DAB1: variants seen among roughly 807,000 people sequenced by gnomAD.
DAB1 encodes disabled homolog 1.
In DAB1, 15 loss-of-function variants were observed where a neutral mutation model predicts 64.6. The ratio of observed to expected loss-of-function variants is 0.23; its 90% CI spans 0.16 to 0.36. DAB1 has a LOEUF of 0.36. Ranked by LOEUF, DAB1 falls within the 10% of genes least tolerant of loss-of-function variation. DAB1 has a pLI of 1.00. For missense variants in DAB1, 596 were observed against 706.7 expected (o/e 0.84, Z 1.78); for synonymous variants, 235 against 251.9 (o/e 0.93, Z 0.64).
intron 2 of DAB1, among the ~76,000 whole-genome samples, chr1:57,184,554 T>C (rs927454139): frequency 1.3e-5 from 2 of 152,174 alleles, no homozygotes; most frequent in African/African-American, 4.8e-5. Context: ...CAGTAAAGAA[T>C]GCAAGGTTAC....
In DAB1 at chr1:58,268,825, C is replaced by A. The variant is rs868251951; in HGVS notation, n.309+74527G>T. 1.6e-4 allele frequency among the ~76,000 whole-genome samples: 24 copies of A among 152,186 alleles called. No homozygotes were observed. The East Asian group carries it at 4.4e-3, about 28-fold the overall frequency. ...TAGCCAAAACAATCTTAAATAGGAA[C>A]AAAGTTGGAGGTTTCATACTTCTTG... On this transcript the variant is annotated intron_variant and non_coding_transcript_variant, in intron 4 of 20. Coordinates refer to the DAB1 transcript ENST00000485760.
At chr1:57,063,220 A>T (rs765225503) in intron 8 of DAB1, among the ~76,000 whole-genome samples, 7 of 152,070 alleles carry the variant, frequency 4.6e-5, no homozygotes, top group Admixed American at 3.3e-4. Context: ...AAACTTACAT[A>T]GACTTCAGAA....
intron 5 of DAB1, among the ~76,000 whole-genome samples, chr1:58,019,981 A>G (rs1288263846): frequency 3.9e-5 from 6 of 152,194 alleles, no homozygotes; most frequent in Admixed American, 2.0e-4. Context: ...TTTCTTTATA[A>G]TGTTTCCTGC....
chr1:57,738,665 A>T (rs1647813896), intron 6 of DAB1, among the ~76,000 whole-genome samples: 1 of 152,186 alleles, frequency 6.6e-6, no homozygotes, highest in Admixed American at 6.5e-5. Flanking sequence ...TTCTTTGATT[A>T]TTTATACTTA....
intron 2 of DAB1, among the ~76,000 whole-genome samples, chr1:57,247,855 C>G (rs575036770): frequency 6.9e-4 from 105 of 152,324 alleles, no homozygotes; most frequent in Non-Finnish European, 1.2e-3. Context: ...CCATGAAAAC[C>G]TTGGAAGCTA....
intron 1 of DAB1, among the ~76,000 whole-genome samples, chr1:57,382,231 T>A (rs750281113): frequency 2.0e-5 from 3 of 152,120 alleles, no homozygotes; most frequent in Non-Finnish European, 4.4e-5. Context: ...CATAGGGAAG[T>A]GGCTGAGAAT....
chr1:57,078,855 A>C (rs1652224122), intron 4 of DAB1, among the ~76,000 whole-genome samples: 1 of 152,192 alleles, frequency 6.6e-6, no homozygotes, highest in African/African-American at 2.4e-5. Flanking sequence ...AAAGAATGTA[A>C]TATCTGGGCA....
intron 6 of DAB1, among the ~76,000 whole-genome samples, chr1:57,722,856 C>T (rs576244832): frequency 6.6e-6 from 1 of 152,262 alleles, no homozygotes; most frequent in Non-Finnish European, 1.5e-5. Flanking sequence ...CTGTGGGACT[C>T]AGATCATCTG....
chr1:57,124,913 G>T (rs1022711795), intron 4 of DAB1, among the ~76,000 whole-genome samples: 2 of 152,140 alleles, frequency 1.3e-5, no homozygotes, highest in African/African-American at 4.8e-5. Flanking sequence ...TGTCCTCAGT[G>T]CTCAGAATGC....
chr1:57,230,504 T>C (rs1462018829), intron 2 of DAB1, among the ~76,000 whole-genome samples: 2 of 152,166 alleles, frequency 1.3e-5, no homozygotes, highest in Non-Finnish European at 2.9e-5. Context: ...GATTTGCTGT[T>C]AACAAACCCA....
chr1:57,789,293 G>A (rs575424837), intron 6 of DAB1, among the ~76,000 whole-genome samples: 119 of 152,220 alleles, frequency 7.8e-4, no homozygotes, highest in African/African-American at 2.6e-3. Flanking sequence ...TTGGGCCCAC[G>A]CGAGAAGAGG....
rs2101730850 is a variant in DAB1, at chr1:57,701,402, T to C, written n.552-51737A>G. ...AAAAATGATGAGTTCATGTCCTTTG[T>C]AGGGACATGGATGAAGCTGAAAACC... On this transcript the variant is annotated intron_variant and non_coding_transcript_variant, in intron 6 of 20. Coordinates refer to the DAB1 transcript ENST00000485760. 2.0e-5 allele frequency among the ~76,000 whole-genome samples: 3 copies of C among 152,186 alleles called. 1 individual carries two copies. In the South Asian group the frequency reaches 6.2e-4, roughly 32 times the overall value.
At position 58,236,256 on chromosome 1, in the gene DAB1, G is replaced by A. The variant is rs115596858; in HGVS notation, n.310-85668C>T. On this transcript the variant is annotated intron_variant and non_coding_transcript_variant, in intron 4 of 20. Coordinates refer to the DAB1 transcript ENST00000485760. ...TTTCAAAAAGGTTTCTGAGATCCAC[G>A]GTTGGATTCTCCCATGCATACAGCC... Among the ~76,000 whole-genome samples, 754 of 152,236 alleles carry A rather than the reference G, an allele frequency of 5.0e-3. 3 individuals carry two copies. The highest frequency in any genetic ancestry group is 0.031 in the Middle Eastern group (9 of 294).
At chr1:58,413,155 A>C (rs553685548) in intron 3 of DAB1, among the ~76,000 whole-genome samples, 16 of 152,214 alleles carry the variant, frequency 1.1e-4, no homozygotes, top group Non-Finnish European at 2.1e-4. Context: ...ATCATTCCTA[A>C]TAGCTTAGCA....
chr1:57,136,495 T>A, intron 4 of DAB1, 48 bp downstream of exon 4: 2 of 1,136,590 alleles, frequency 1.8e-6, no homozygotes. Context: ...TAAGGGTACA[T>A]CTGTCAATGG....
chr1:57,339,948 G>A lies in DAB1; in HGVS notation c.-136-48782C>T, dbSNP rs1677435241. Among the ~76,000 whole-genome samples, 3 of 151,930 alleles carry A rather than the reference G, an allele frequency of 2.0e-5. No individual in the cohort carries two copies. In the South Asian group the frequency reaches 6.2e-4, roughly 31 times the overall value. ...CAGGGAGGTAGAGCTCGGGAGGTTT[G>A]TGGAGATAGCAGAGACTAGCAGAAT... is the stretch of plus-strand genomic sequence containing the variant. On this transcript the variant is annotated intron_variant, in intron 1 of 14. Transcript: ENST00000371236.
chr1:57,989,371 T>C (rs562963576), intron 5 of DAB1, among the ~76,000 whole-genome samples: 15 of 152,052 alleles, frequency 9.9e-5, no homozygotes, highest in Admixed American at 2.0e-4. Flanking sequence ...TACACAAAGA[T>C]CAAATGAGTG....
At chr1:58,496,082 T>A (rs1271957323) in intron 3 of DAB1, among the ~76,000 whole-genome samples, 1 of 152,066 alleles carries the variant, frequency 6.6e-6, no homozygotes, top group Non-Finnish European at 1.5e-5. Context: ...ATCAAAGAAA[T>A]GAAGACATGT....
chr1:57,377,165 G>A (rs114755983), intron 1 of DAB1, among the ~76,000 whole-genome samples: 4,601 of 152,174 alleles, frequency 0.03, 105 homozygotes, highest in Middle Eastern at 0.051. Context: ...AGCTACGCTG[G>A]AGGCTGAGGA....
Sources: gnomAD v4.1 joint callset for allele counts (sites outside exome capture counted in the v4.1 genomes callset) on GRCh38, gnomAD v4.1.1 for gene constraint, MANE v1.5 for transcripts, NCBI Gene and HGNC (gene_info 2026-07-23, HGNC 2026-07-21) for gene names.